The following MYO5A variants were observed in gnomAD, a reference collection of about 807,000 sequenced individuals.
The protein encoded by MYO5A is unconventional myosin-Va.
In MYO5A, 98 loss-of-function variants were observed where a neutral mutation model predicts 249.7. That is an observed-to-expected ratio of 0.39 (90% CI 0.33 to 0.46). The LOEUF is 0.46. Among genes scored for constraint, MYO5A ranks in the 20% least tolerant of loss-of-function variants. The pLI is 0.98. For missense variants in MYO5A, 1,696 were observed against 2,308.8 expected (o/e 0.73, Z 5.44); for synonymous variants, 778 against 810.6 (o/e 0.96, Z 0.68).
Position 52,397,280 on chromosome 15 carries a change from A to T in MYO5A, c.1240T>A (p.Trp414Arg). The change falls in exon 10 of 42, where the codon TGG (tryptophan) becomes AGG (arginine). Residue 414 changes from tryptophan (W) to arginine (R), a missense_variant. Trp to Arg is a moderately radical substitution (Grantham distance 101). Around this residue, in one of 5 missense-constraint regions of MYO5A, gnomAD observed 185 missense variants for 204.8 expected, o/e 0.90. Transcript: ENST00000399233. ...AKHIYAKLFNWIVDNVNQALH... is the reference protein window; with the variant it reads ...AKHIYAKLFNRIVDNVNQALH... The stretch of plus-strand genomic sequence containing the variant: ...GCCTGATTGACATTATCTACAATCC[A>T]GTTAAAGAGCTTGGCATAGATGTGC... 1.2e-6 allele frequency: 2 copies of T among 1,614,124 alleles called. No individual in the cohort carries two copies. The highest frequency in any genetic ancestry group is 2.2e-5 in the South Asian group (2 of 91,082).
At chr15:52,478,871 G>C (rs1014173093) in intron 1 of MYO5A, among the ~76,000 whole-genome samples, 5 of 152,116 alleles carry the variant, frequency 3.3e-5, no homozygotes, top group Non-Finnish European at 5.9e-5. Flanking sequence ...AATTACTACA[G>C]TAAAACTGTA....
chr15:52,460,321 T>G (rs926911346), intron 1 of MYO5A, among the ~76,000 whole-genome samples: 3 of 152,158 alleles, frequency 2.0e-5, no homozygotes, highest in Non-Finnish European at 2.9e-5. Flanking sequence ...GTTGTAGCGA[T>G]CCGAGATCAC....
chr15:52,396,593 G>A (rs2042496285), intron 10 of MYO5A, among the ~76,000 whole-genome samples, 196 bp from the exon 11 acceptor site: 2 of 152,104 alleles, frequency 1.3e-5, no homozygotes, highest in African/African-American at 4.8e-5. Context: ...CATCAGCCAT[G>A]CAGCAGAGAG....
chr15:52,317,023 T>G (rs564345961), intron 40 of MYO5A, 25 bp downstream of exon 40: 10 of 1,604,476 alleles, frequency 6.2e-6, no homozygotes, highest in Non-Finnish European at 8.5e-6. Context: ...GTTAAATTAT[T>G]TTGTAACAGG....
intron 14 of MYO5A, among the ~76,000 whole-genome samples, chr15:52,387,561 T>C (rs1263781245): frequency 6.6e-6 from 1 of 152,220 alleles, no homozygotes; most frequent in Non-Finnish European, 1.5e-5. Flanking sequence ...GCCTGGATTT[T>C]AATTTGGCTT....
Position 52,370,341 on chromosome 15 carries a change from C to A in MYO5A, c.2894G>T (p.Arg965Leu), listed in dbSNP as rs199883205. The change falls in exon 22 of 42, where the codon CGA becomes CTA. Residue 965 changes from arginine (R) to leucine (L), a missense_variant. By Grantham distance (102) the Arg-to-Leu change is moderately radical. This residue lies in a region of MYO5A where 412 missense variants were observed against 453.3 expected (regional missense o/e 0.91). Coordinates refer to ENST00000399233, the MANE Select transcript of MYO5A (RefSeq NM_001382347.1). ...TAGTTGAAGACGTTCTAAGTCACTT[C>A]GTAGTTTCTCAGTCTCAGAGTTGTA... is the stretch of plus-strand genomic sequence containing the variant. ...GIYNSETEKL[R>L]SDLERLQLSE... 8.1e-6 allele frequency: 13 copies of A among 1,613,998 alleles called. No homozygotes were observed. Among genetic ancestry groups the A allele is most frequent in the Admixed American group, 1.7e-5 (1 of 59,982 alleles).
At chr15:52,354,845 C>T (rs1401820512) in intron 25 of MYO5A, among the ~76,000 whole-genome samples, 1 of 146,324 alleles carries the variant, frequency 6.8e-6, no homozygotes, top group Non-Finnish European at 1.5e-5. Context: ...CAGAGTGAGA[C>T]TCCATCTCAC....
At chr15:52,480,871 C>T (rs1337004104) in intron 1 of MYO5A, among the ~76,000 whole-genome samples, 1 of 152,198 alleles carries the variant, frequency 6.6e-6, no homozygotes, top group East Asian at 1.9e-4. Flanking sequence ...AATCCATTTA[C>T]CCAAATGCAG....
chr15:52,404,326 C>A (rs1479437637), intron 9 of MYO5A, among the ~76,000 whole-genome samples: 2 of 148,464 alleles, frequency 1.3e-5, no homozygotes, highest in Non-Finnish European at 3.0e-5. Flanking sequence ...ATCATAAAGT[C>A]ATTTATTTTA....
intron 36 of MYO5A, among the ~76,000 whole-genome samples, chr15:52,326,842 G>A (rs545416189): frequency 4.6e-5 from 7 of 152,256 alleles, no homozygotes; most frequent in African/African-American, 1.7e-4. Context: ...TAATCCGAAA[G>A]CAAAGTACCT....
intron 9 of MYO5A, among the ~76,000 whole-genome samples, chr15:52,398,684 C>T (rs372195032): frequency 1.4e-4 from 22 of 152,262 alleles, no homozygotes; most frequent in East Asian, 1.2e-3. Context: ...ATTTAGAATT[C>T]GGCATCATTT....
At position 52,389,373 on chromosome 15, in the gene MYO5A, T is replaced by C. The variant is rs1330574997; in HGVS notation, c.1543-10A>G. The C allele has an allele frequency of 1.9e-6, 3 of 1,607,624 alleles. No individual in the cohort carries two copies. Among genetic ancestry groups the C allele is most frequent in the Non-Finnish European group, 2.5e-6 (3 of 1,176,624 alleles). On this transcript the variant is annotated splice_polypyrimidine_tract_variant and intron_variant, in intron 12 of 41. Transcript: ENST00000399233. Reference sequence around the variant, plus strand: ...CTGTGCCTTTAGGCATCTATATTCATGGAAAAAAGGAAGAAAGAAAACAAG... The same window carrying C: ...CTGTGCCTTTAGGCATCTATATTCACGGAAAAAAGGAAGAAAGAAAACAAG...
At position 52,340,404 on chromosome 15, in the gene MYO5A, GGACACATGGGTCGGAAGGGGAGAC is replaced by G; in HGVS notation, c.4041-34_4041-11del. 6.2e-7 allele frequency: 1 copy of G among 1,610,638 alleles called. No homozygotes were observed. The highest frequency in any genetic ancestry group is 2.2e-5 in the East Asian group (1 of 44,884). On this transcript the variant is annotated splice_polypyrimidine_tract_variant and intron_variant, in intron 31 of 41. Transcript: ENST00000399233. ...CTGGGATTCCAGGAGCCTGCGGAGA[GGACACATGGGTCGGAAGGGGAGAC>G]GACACCCCGAGTTGCTGCCTAACGG...
intron 37 of MYO5A, among the ~76,000 whole-genome samples, chr15:52,322,280 C>A (rs1003087293): frequency 6.6e-6 from 1 of 152,248 alleles, no homozygotes; most frequent in African/African-American, 2.4e-5. Flanking sequence ...TCTGTTGGCC[C>A]CATCTTCTCA....
chr15:52,412,337 G>A (rs2043285721), intron 5 of MYO5A, among the ~76,000 whole-genome samples: 1 of 152,206 alleles, frequency 6.6e-6, no homozygotes, highest in African/African-American at 2.4e-5. Flanking sequence ...ACCACACTGT[G>A]AGAAGAGGCA....
At chr15:52,521,603 C>G (rs1457849772) in intron 1 of MYO5A, among the ~76,000 whole-genome samples, 1 of 152,190 alleles carries the variant, frequency 6.6e-6, no homozygotes, top group African/African-American at 2.4e-5. Flanking sequence ...ATGCACTTCT[C>G]CCTTGATTTC....
At chr15:52,421,512 T>C (rs997375300) in intron 4 of MYO5A, among the ~76,000 whole-genome samples, 3 of 151,184 alleles carry the variant, frequency 2.0e-5, no homozygotes, top group Non-Finnish European at 4.4e-5. Flanking sequence ...AGACATTATA[T>C]TCTACTCTTT....
intron 6 of MYO5A, among the ~76,000 whole-genome samples, chr15:52,409,401 T>C (rs1449197501): frequency 6.6e-6 from 1 of 152,200 alleles, no homozygotes; most frequent in Admixed American, 6.5e-5. Flanking sequence ...CACTGTTCTG[T>C]ATGTACCTAG....
intron 1 of MYO5A, among the ~76,000 whole-genome samples, chr15:52,478,033 G>A (rs1251061570): frequency 6.6e-6 from 1 of 152,358 alleles, no homozygotes; most frequent in East Asian, 1.9e-4. Flanking sequence ...TGGCAGGCAG[G>A]CCTCCTTGAG....
Sources: gnomAD v4.1 joint callset for allele counts (sites outside exome capture counted in the v4.1 genomes callset) on GRCh38, gnomAD v4.1.1 for gene constraint, gnomAD v4.1.1 regional missense constraint, MANE v1.5 for transcripts, NCBI Gene and HGNC (gene_info 2026-07-23, HGNC 2026-07-21) for gene names.